The following CEACAM21 variants were observed in gnomAD, a reference collection of about 807,000 sequenced individuals.
The protein encoded by CEACAM21 is CEA cell adhesion molecule 21.
In CEACAM21, 38 loss-of-function variants were observed where a neutral mutation model predicts 33.2. The ratio of observed to expected loss-of-function variants is 1.14; its 90% confidence interval spans 0.88 to 1.50. The LOEUF (loss-of-function observed/expected upper bound fraction) is 1.50. CEACAM21 is among the 40% of genes most tolerant of loss of function. The pLI is 0.00. For missense variants in CEACAM21, 385 were observed against 364.6 expected (o/e 1.06, Z -0.46); for synonymous variants, 156 against 143.0 (o/e 1.09, Z -0.65).
rs1555792350 is a variant in CEACAM21 at position 41,579,250 on chromosome 19, T to C, written c.425-103T>C. ...TCTCTCTGCTCCTCCCTGTCCTTCA[T>C]CTTTCTCCTTTATTCACAGGAGAAT... is the stretch of plus-strand genomic sequence containing the variant. On this transcript the variant is annotated intron_variant, in intron 2 of 6. Coordinates refer to ENST00000401445, the MANE Select transcript of CEACAM21 (RefSeq NM_001098506.4). 10 of 1,586,970 alleles carry C rather than the reference T, an allele frequency of 6.3e-6. No homozygotes were observed. In the South Asian group the frequency reaches 1.1e-4, roughly 18 times the overall value.
intron 1 of CEACAM21, chr19:41,555,346 A>G (rs1408133886): frequency 1.4e-5 from 2 of 144,684 alleles, no homozygotes; most frequent in Non-Finnish European, 3.0e-5. Flanking sequence ...CATATAGATG[A>G]GCCTCAAGAG....
At chr19:41,585,167 T>G (rs1268322890) in intron 4 of CEACAM21, among the ~76,000 whole-genome samples, 1 of 152,068 alleles carries the variant, frequency 6.6e-6, no homozygotes, top group Non-Finnish European at 1.5e-5. Context: ...TCTGATTCCT[T>G]CCCTGGGTCC....
At chr19:41,552,772 G>A (rs1048899056) in intron 1 of CEACAM21, among the ~76,000 whole-genome samples, 7 of 152,130 alleles carry the variant, frequency 4.6e-5, no homozygotes, top group African/African-American at 7.2e-5. Context: ...TCTCTGTTTC[G>A]GGGGTGTAGA....
At chr19:41,585,992 G>T in intron 6 of CEACAM21, 121 bp downstream of exon 6, 1 of 1,049,904 alleles carries the variant, frequency 9.5e-7, no homozygotes. Context: ...GATAAGGTTA[G>T]ACCTGCCCTG....
intron 6 of CEACAM21, 150 bp from the exon 7 acceptor site, chr19:41,586,314 G>T (rs375742185): frequency 1.2e-5 from 7 of 563,640 alleles, no homozygotes; most frequent in African/African-American, 3.8e-5. Context: ...ACAGGAGGTG[G>T]TGAGCAGAGG....
At chr19:41,567,614 T>TCATCCTGATGACTAATTTTAGGGTCA (rs2042348724) in intron 2 of CEACAM21, among the ~76,000 whole-genome samples, 2 of 152,248 alleles carry the variant, frequency 1.3e-5, no homozygotes, top group Non-Finnish European at 2.9e-5. Context: ...TTTTAGGATT[T>TCATCCTGATGACTAATTTTAGGGTCA]CATCCTGATG....
chr19:41,556,320 CA>C (rs1426709605), intron 1 of CEACAM21, among the ~76,000 whole-genome samples: 1 of 152,176 alleles, frequency 6.6e-6, no homozygotes, highest in African/African-American at 2.4e-5. Context: ...ATTATAGATT[CA>C]GGGGGTACAT....
In CEACAM21 at chr19:41,579,437, A is replaced by G. The variant is rs1555792536; in HGVS notation, c.509A>G (p.Asn170Ser). 1 of 1,613,862 alleles carries G rather than the reference A, an allele frequency of 6.2e-7. No homozygotes were observed. Among genetic ancestry groups the G allele is most frequent in the Non-Finnish European group, 8.5e-7 (1 of 1,179,852 alleles). The change falls in exon 3 of 7, where the codon AAC (asparagine) becomes AGC (serine). Residue 170 changes from asparagine (N) to serine (S), a missense_variant. By Grantham distance (46) the Asn-to-Ser change is conservative (BLOSUM62 1). Transcript: ENST00000401445. ...GSVVLTCHTNNTGTSFQWIFN... is the reference protein window; with the variant it reads ...GSVVLTCHTNSTGTSFQWIFN... ...GTGGTCCTGACCTGCCACACAAATAACACTGGAACCTCTTTCCAGTGGATT... is the reference window on the plus strand; with the variant it reads ...GTGGTCCTGACCTGCCACACAAATAGCACTGGAACCTCTTTCCAGTGGATT...
chr19:41,566,258 GGGAA>G (rs1427439720), intron 2 of CEACAM21, among the ~76,000 whole-genome samples: 1 of 152,200 alleles, frequency 6.6e-6, no homozygotes, highest in Non-Finnish European at 1.5e-5. Context: ...CGTTACTTAT[GGGAA>G]GTAACTTAGC....
chr19:41,581,474 T>C (rs1352625543), intron 3 of CEACAM21, among the ~76,000 whole-genome samples: 1 of 152,236 alleles, frequency 6.6e-6, no homozygotes, highest in Non-Finnish European at 1.5e-5. Context: ...CACACCTCTA[T>C]ATTTCTATGT....
chr19:41,561,669 A>G (rs2041891238), intron 1 of CEACAM21, among the ~76,000 whole-genome samples: 1 of 152,242 alleles, frequency 6.6e-6, no homozygotes, highest in Non-Finnish European at 1.5e-5. Context: ...AAGTTGTCTC[A>G]TAAAGCTCTG....
At chr19:41,579,086 T>C (rs1234788403) in intron 2 of CEACAM21, among the ~76,000 whole-genome samples, 1 of 152,108 alleles carries the variant, frequency 6.6e-6, no homozygotes, top group African/African-American at 2.4e-5. Flanking sequence ...TTGCATCTCA[T>C]GTGACTCTGG....
chr19:41,575,122 A>G (rs911389745), upstream of CEACAM21, among the ~76,000 whole-genome samples: 8 of 152,212 alleles, frequency 5.3e-5, no homozygotes, highest in Non-Finnish European at 8.8e-5. Context: ...ATTATATGAG[A>G]CATGTAAACT....
intron 2 of CEACAM21, among the ~76,000 whole-genome samples, chr19:41,570,193 T>C (rs2042513492): frequency 6.6e-6 from 1 of 152,110 alleles, no homozygotes; most frequent in Non-Finnish European, 1.5e-5. Flanking sequence ...GGACTCAGGA[T>C]TTCAGATGGG....
intron 6 of CEACAM21, 39 bp downstream of exon 6, chr19:41,585,910 C>T (rs782035559): frequency 3.1e-6 from 5 of 1,606,274 alleles, no homozygotes; most frequent in Admixed American, 1.7e-5. Context: ...CCACTGGGGC[C>T]CCAGCTGTGC....
chr19:41,584,346 G>A lies in CEACAM21; in HGVS notation c.701-1G>A, dbSNP rs782046893. 9.3e-6 allele frequency: 15 copies of A among 1,609,784 alleles called. 2 individuals are homozygous for A. Among genetic ancestry groups the A allele is most frequent in the Middle Eastern group, 1.7e-4 (1 of 6,056 alleles). On this transcript the variant is annotated splice_acceptor_variant, in intron 3 of 6. Transcript: ENST00000401445. LOFTEE classifies it high-confidence loss of function. ...TCATCCCCTTTGCCTTCTTCTTTCA[G>A]CAGATGACAACACTCTAGGCATCCT...
intron 1 of CEACAM21, among the ~76,000 whole-genome samples, chr19:41,561,096 G>C (rs1195528196): frequency 6.6e-6 from 1 of 152,182 alleles, no homozygotes; most frequent in East Asian, 1.9e-4. Context: ...AAAGATTGTT[G>C]AACAAGGTTA....
chr19:41,570,726 G>T lies in CEACAM21; in HGVS notation c.-404+5670G>T, dbSNP rs116160672. Among the ~76,000 whole-genome samples the T allele has an allele frequency of 5.9e-3, 897 of 152,294 alleles. 6 individuals carry two copies. Among genetic ancestry groups the T allele is most frequent in the African/African-American group, 0.021 (860 of 41,548 alleles). ...GAGCAAATCTAGAGCGTGGAGGGCT[G>T]GGGTTGTGGCAGTAAAAGCAGCCAC... On this transcript the variant is annotated intron_variant, in intron 2 of 7. Transcript: ENST00000407170.
intron 1 of CEACAM21, among the ~76,000 whole-genome samples, chr19:41,576,917 C>T (rs1555791255): frequency 6.6e-6 from 1 of 152,136 alleles, no homozygotes; most frequent in African/African-American, 2.4e-5. Flanking sequence ...CTAGAGGAGG[C>T]TTCACGAAAG....
Sources: allele counts gnomAD v4.1 joint callset (sites outside exome capture counted in the v4.1 genomes callset), GRCh38; gene constraint gnomAD v4.1.1; transcripts MANE v1.5; gene names NCBI Gene and HGNC (gene_info 2026-07-23, HGNC 2026-07-21).